The following HFM1 variants were observed in gnomAD, a reference collection of about 807,000 sequenced individuals.
HFM1 encodes the protein probable ATP-dependent DNA helicase HFM1.
A neutral mutation model predicts 192.1 loss-of-function variants in HFM1; 169 were observed. The ratio of observed to expected loss-of-function variants is 0.88; its 90% CI spans 0.78 to 1.00. The LOEUF (loss-of-function observed/expected upper bound fraction) is 1.00. Ranked by LOEUF, HFM1 falls within the 50% of genes least tolerant of loss-of-function variation. The pLI, the probability that HFM1 is intolerant of heterozygous loss-of-function variation, is 0.00. For missense variants in HFM1, 1,661 were observed against 1,668.0 expected (o/e 1.00, Z 0.07); for synonymous variants, 525 against 537.8 (o/e 0.98, Z 0.33).
At chr1:91,355,101 G>A (rs531159545) in intron 13 of HFM1, among the ~76,000 whole-genome samples, 5 of 151,950 alleles carry the variant, frequency 3.3e-5, no homozygotes, top group Non-Finnish European at 5.9e-5. Flanking sequence ...TGGGGGGAGG[G>A]CAAAAATCTA....
chr1:91,290,823 T>C (rs935471583), intron 30 of HFM1, among the ~76,000 whole-genome samples: 28 of 152,132 alleles, frequency 1.8e-4, no homozygotes, highest in African/African-American at 6.5e-4. Flanking sequence ...TCAGCAAATG[T>C]AAAAGAACAG....
intron 20 of HFM1, among the ~76,000 whole-genome samples, chr1:91,332,293 G>A: frequency 6.6e-6 from 1 of 152,060 alleles, no homozygotes; most frequent in East Asian, 1.9e-4. Flanking sequence ...AACCCAGAAA[G>A]AAATCCACAC....
At position 91,262,370 on chromosome 1, in the gene HFM1, G is replaced by A; in HGVS notation, c.4109C>T (p.Pro1370Leu). ...AVIVHFQERK[P>L]QNLSPEIEKQ... ...CTCAATCTCTGGTGACAGATTTTGT[G>A]GTTTTCTTTCTTGAAAATGGACCTA... Residue 1370 changes from proline to leucine, a missense_variant, in exon 38 of 39, where the codon CCA becomes CTA. By Grantham distance (98) the Pro-to-Leu change is moderately conservative. Coordinates refer to ENST00000370425, the MANE Select transcript of HFM1 (RefSeq NM_001017975.6). The A allele has an allele frequency of 7.6e-6, 12 of 1,575,692 alleles. No individual in the cohort carries two copies. Among genetic ancestry groups the A allele is most frequent in the South Asian group, 2.4e-5 (2 of 83,126 alleles).
intron 25 of HFM1, among the ~76,000 whole-genome samples, chr1:91,318,139 G>GT (rs1411294295): frequency 3.9e-5 from 6 of 152,072 alleles, no homozygotes; most frequent in Non-Finnish European, 8.8e-5. Flanking sequence ...GATGGATGTG[G>GT]TATTTGGTTG....
chr1:91,346,419 C>T (rs189356730), intron 19 of HFM1, among the ~76,000 whole-genome samples: 9 of 152,252 alleles, frequency 5.9e-5, no homozygotes, highest in Admixed American at 5.2e-4. Flanking sequence ...TGTATTTCAA[C>T]GTGAATACAG....
intron 20 of HFM1, among the ~76,000 whole-genome samples, chr1:91,337,195 C>T (rs1055340731): frequency 7.2e-5 from 11 of 152,232 alleles, no homozygotes; most frequent in African/African-American, 2.2e-4. Flanking sequence ...TTACCTGTAA[C>T]GAACCTGCAC....
intron 20 of HFM1, 47 bp from the exon 21 acceptor site, chr1:91,324,813 C>A: frequency 1.0e-6 from 1 of 1,001,092 alleles, no homozygotes; most frequent in South Asian, 1.3e-5. Context: ...TCAGCTGAAC[C>A]AACTGTTTTT....
rs146390220 is a variant in HFM1, at chr1:91,271,707, A to C, written c.3772+2005T>G. On this transcript the variant is annotated intron_variant, in intron 34 of 38. Coordinates refer to ENST00000370425, the MANE Select transcript of HFM1 (RefSeq NM_001017975.6). ...CAAATAGATGGTTACAGATGGATGC[A>C]GAGACAGGGAAATATATAGTTGAGG... Among the ~76,000 whole-genome samples the C allele has an allele frequency of 3.2e-4, 49 of 152,220 alleles. 1 individual carries two copies. The East Asian group carries it at 9.3e-3, about 29-fold the overall frequency.
chr1:91,275,187 G>T (rs1219853076), intron 32 of HFM1, among the ~76,000 whole-genome samples: 2 of 152,038 alleles, frequency 1.3e-5, no homozygotes, highest in Non-Finnish European at 2.9e-5. Flanking sequence ...GTTTCACTAT[G>T]TTGGCCAGGC....
chr1:91,265,991 T>C (rs745572588), intron 36 of HFM1, 26 bp downstream of exon 36: 4 of 1,586,818 alleles, frequency 2.5e-6, no homozygotes, highest in East Asian at 4.6e-5. Context: ...GTTGCAAATA[T>C]TACAAACCTA....
Position 91,266,105 on chromosome 1 carries a change from A to G in HFM1, c.3886T>C (p.Phe1296Leu), listed in dbSNP as rs752053945. ...GTACTTGAACTCAAAGTGTTTCCAA[A>G]TCCTATGTGAAGAGATAACATTTTG... ...TDTEKTKISG[F>L]GNTLSSSTRG... The change falls in exon 36 of 39, where the codon TTT becomes CTT. Residue 1296 changes from phenylalanine to leucine, a missense_variant and splice_region_variant. Coordinates refer to ENST00000370425, the MANE Select transcript of HFM1 (RefSeq NM_001017975.6). 1.3e-6 allele frequency: 2 copies of G among 1,589,358 alleles called. No individual in the cohort carries two copies. Among genetic ancestry groups the G allele is most frequent in the East Asian group, 4.6e-5 (2 of 43,650 alleles).
intron 30 of HFM1, among the ~76,000 whole-genome samples, chr1:91,297,823 A>T (rs1647912414): frequency 6.6e-6 from 1 of 152,246 alleles, no homozygotes; most frequent in African/African-American, 2.4e-5. Context: ...AAGGTAGATA[A>T]GACCACAAAG....
At chr1:91,288,791 A>G (rs1455465448) in intron 30 of HFM1, among the ~76,000 whole-genome samples, 6 of 152,320 alleles carry the variant, frequency 3.9e-5, no homozygotes, top group African/African-American at 1.4e-4. Flanking sequence ...ACACAGACAC[A>G]GTAACAATCT....
chr1:91,274,674 C>T (rs1370754227), intron 33 of HFM1, 56 bp downstream of exon 33: 2 of 875,670 alleles, frequency 2.3e-6, no homozygotes, highest in Non-Finnish European at 1.8e-6. Context: ...TGGTTACCTG[C>T]AGGAACAGAG....
intron 30 of HFM1, among the ~76,000 whole-genome samples, chr1:91,307,194 C>T (rs1488123316): frequency 2.6e-5 from 4 of 151,930 alleles, no homozygotes; most frequent in South Asian, 2.1e-4. Context: ...TCCTATGTAT[C>T]GCTGATTTCT....
chr1:91,391,512 T>C (rs1422881450), intron 4 of HFM1, among the ~76,000 whole-genome samples: 2 of 152,256 alleles, frequency 1.3e-5, no homozygotes, highest in Non-Finnish European at 2.9e-5. Context: ...AAGGATTCCC[T>C]ATTTAATAAA....
At chr1:91,299,256 CA>C (rs1188212860) in intron 30 of HFM1, among the ~76,000 whole-genome samples, 1 of 152,068 alleles carries the variant, frequency 6.6e-6, no homozygotes, top group Non-Finnish European at 1.5e-5. Flanking sequence ...TATATGCACC[CA>C]ATACAGGAGC....
intron 20 of HFM1, chr1:91,328,248 G>A: frequency 1.7e-6 from 1 of 583,660 alleles, no homozygotes; most frequent in East Asian, 3.1e-5. Flanking sequence ...GAAGGGCTGA[G>A]TGTCAGGCGA....
intron 13 of HFM1, among the ~76,000 whole-genome samples, chr1:91,374,305 C>T (rs566666682): frequency 2.6e-4 from 39 of 151,886 alleles, no homozygotes; most frequent in African/African-American, 8.2e-4. Context: ...AGCATTTAAT[C>T]CCCAGAACAA....
Sources: gnomAD v4.1 joint callset for allele counts (sites outside exome capture counted in the v4.1 genomes callset) on GRCh38, gnomAD v4.1.1 for gene constraint, MANE v1.5 for transcripts, NCBI Gene and HGNC (gene_info 2026-07-23, HGNC 2026-07-21) for gene names.